JADE2: variants seen among roughly 807,000 people sequenced by gnomAD.
The protein encoded by JADE2 is E3 ubiquitin-protein ligase Jade-2.
JADE2 carries 13 observed loss-of-function variants against 85.7 expected under a neutral mutation model. That is an observed-to-expected ratio of 0.15 (90% CI 0.10 to 0.24). The LOEUF (loss-of-function observed/expected upper bound fraction) is 0.24. Among genes scored for constraint, JADE2 ranks in the 10% least tolerant of loss-of-function variants. The pLI, the probability that JADE2 is intolerant of heterozygous loss-of-function variation, is 1.00. For synonymous variants in JADE2, 440 were observed against 456.1 expected, an observed-to-expected ratio of 0.96 and a Z score of 0.45; for missense variants, 846 against 1,115.9, an observed-to-expected ratio of 0.76 and a Z score of 3.45.
At chr5:134,535,138 A>C (rs73293736) in intron 1 of JADE2, among the ~76,000 whole-genome samples, 4,781 of 152,330 alleles carry the variant, frequency 0.031, 259 homozygotes, top group African/African-American at 0.11. Context: ...GCGTGAGCTC[A>C]GTATGAGGCC....
At chr5:134,572,453 T>G (rs1332928803) in intron 9 of JADE2, among the ~76,000 whole-genome samples, 2 of 152,150 alleles carry the variant, frequency 1.3e-5, no homozygotes, top group African/African-American at 2.4e-5. Context: ...GCCCTCGGAC[T>G]GGGAGAAATG....
chr5:134,559,735 A>C, intron 4 of JADE2, 95 bp from the exon 5 acceptor site: 1 of 1,284,662 alleles, frequency 7.8e-7, no homozygotes, highest in African/African-American at 1.5e-5. Context: ...ACACTTGTCC[A>C]TCAGCTCCTG....
chr5:134,570,551 G>T (rs986818154), intron 9 of JADE2, among the ~76,000 whole-genome samples: 1 of 151,868 alleles, frequency 6.6e-6, no homozygotes, highest in African/African-American at 2.4e-5. Flanking sequence ...CATCCTTGCT[G>T]CCCACTCTGG....
chr5:134,537,487 A>C (rs1313121470), intron 2 of JADE2, among the ~76,000 whole-genome samples: 1 of 152,186 alleles, frequency 6.6e-6, no homozygotes, highest in Non-Finnish European at 1.5e-5. Context: ...GCTCAGCAAG[A>C]TTGAGTCATT....
intron 1 of JADE2, among the ~76,000 whole-genome samples, chr5:134,535,333 G>A (rs191058126): frequency 3.7e-4 from 57 of 152,216 alleles, no homozygotes; most frequent in Non-Finnish European, 6.3e-4. Context: ...CCTCTCCCCC[G>A]CTTCTGTACA....
intron 3 of JADE2, among the ~76,000 whole-genome samples, chr5:134,546,154 T>G (rs960005426): frequency 4.5e-4 from 69 of 151,734 alleles, no homozygotes; most frequent in Non-Finnish European, 6.8e-4. Flanking sequence ...TTTTTTGTTT[T>G]TTTGTTTGTT....
intron 6 of JADE2, among the ~76,000 whole-genome samples, chr5:134,561,990 A>G (rs1763350609): frequency 6.6e-6 from 1 of 152,142 alleles, no homozygotes; most frequent in Admixed American, 6.5e-5. Context: ...AAATGGTGGC[A>G]TTTCAGGCAT....
At chr5:134,544,013 G>T (rs754383494) in intron 3 of JADE2, among the ~76,000 whole-genome samples, 1 of 152,228 alleles carries the variant, frequency 6.6e-6, no homozygotes, top group Admixed American at 6.5e-5. Flanking sequence ...GAGGCCAGCC[G>T]CATGTTTTGG....
intron 1 of JADE2, chr5:134,526,852 GGA>G (rs1760862278): frequency 6.4e-6 from 5 of 783,828 alleles, no homozygotes; most frequent in Non-Finnish European, 6.2e-6. Flanking sequence ...GTCCAGCTGG[GGA>G]GAGGCGCTGG....
intron 1 of JADE2, among the ~76,000 whole-genome samples, chr5:134,531,503 C>G (rs193026830): frequency 2.0e-3 from 298 of 152,124 alleles, no homozygotes; most frequent in South Asian, 6.6e-3. Context: ...CCTTGAACTC[C>G]TGGGCCCAAG....
intron 4 of JADE2, among the ~76,000 whole-genome samples, chr5:134,559,189 C>T (rs1763172020): frequency 6.6e-6 from 1 of 152,088 alleles, no homozygotes; most frequent in Non-Finnish European, 1.5e-5. Flanking sequence ...AAAGGGTCAC[C>T]CTGGGCCGCA....
intron 3 of JADE2, among the ~76,000 whole-genome samples, chr5:134,547,051 C>T (rs2149916045): frequency 6.6e-6 from 1 of 152,322 alleles, no homozygotes; most frequent in Non-Finnish European, 1.5e-5. Flanking sequence ...TGCCTTTTGT[C>T]ACTATCTTTA....
At chr5:134,526,343 A>G (rs1760816664) in intron 1 of JADE2, 1 of 983,984 alleles carries the variant, frequency 1.0e-6, no homozygotes, top group Non-Finnish European at 1.2e-6. Flanking sequence ...CGGGCCGGCG[A>G]GGGGGCGCGG....
At chr5:134,572,901 CAGAG>C (rs1214729058) in intron 9 of JADE2, among the ~76,000 whole-genome samples, 1 of 152,268 alleles carries the variant, frequency 6.6e-6, no homozygotes, top group East Asian at 1.9e-4. Context: ...TTGAGGCAGT[CAGAG>C]AGGCCTCTAC....
At chr5:134,531,373 C>A (rs1240204761) in intron 1 of JADE2, among the ~76,000 whole-genome samples, 3 of 152,136 alleles carry the variant, frequency 2.0e-5, no homozygotes, top group South Asian at 4.1e-4. Flanking sequence ...GTCTTTTGAT[C>A]TATGAAGCCT....
chr5:134,574,746 G>T (rs1409715673), intron 10 of JADE2: 4 of 152,200 alleles, frequency 2.6e-5, no homozygotes, highest in Admixed American at 6.5e-5. Context: ...GCAGCTTCCT[G>T]GCTGCTGGAG....
chr5:134,539,198 A>G (rs1581405701), intron 3 of JADE2, among the ~76,000 whole-genome samples: 1 of 152,034 alleles, frequency 6.6e-6, no homozygotes, highest in South Asian at 2.1e-4. Context: ...AGTGGCTGGG[A>G]CTACAGGCGC....
chr5:134,555,503 AAGAGG>A (rs1420828388), intron 4 of JADE2, among the ~76,000 whole-genome samples: 1 of 152,190 alleles, frequency 6.6e-6, no homozygotes. Flanking sequence ...CAAACAGATG[AAGAGG>A]AGAGACCCAG....
At chr5:134,545,763 A>C (rs1027252790) in intron 3 of JADE2, among the ~76,000 whole-genome samples, 7 of 152,234 alleles carry the variant, frequency 4.6e-5, no homozygotes, top group Non-Finnish European at 8.8e-5. Flanking sequence ...GACATGCCTT[A>C]ACAGGGCAAT....
Sources: gnomAD v4.1 joint callset for allele counts (sites outside exome capture counted in the v4.1 genomes callset) on GRCh38, gnomAD v4.1.1 for gene constraint, MANE v1.5 for transcripts, NCBI Gene and HGNC (gene_info 2026-07-23, HGNC 2026-07-21) for gene names.